The following COX17 variants were observed in gnomAD, a reference collection of about 807,000 sequenced individuals.
COX17 encodes the protein cytochrome c oxidase copper chaperone COX17.
COX17 carries 1 observed loss-of-function variant against 6.3 expected under a neutral mutation model. The observed-to-expected ratio is 0.16, with a 90% CI of 0.06 to 0.75. The LOEUF is 0.75. Among genes scored for constraint, COX17 ranks in the 30% least tolerant of loss-of-function variants. COX17 has a pLI of 0.77. For missense variants in COX17, 73 were observed against 81.2 expected (o/e 0.90, Z 0.39); for synonymous variants, 26 against 30.5 (o/e 0.85, Z 0.49).
At chr3:119,670,752 T>TG (rs2053035258) in intron 2 of COX17, among the ~76,000 whole-genome samples, 1,778 of 149,694 alleles carry the variant, frequency 0.012, 17 homozygotes, top group Middle Eastern at 0.031. Flanking sequence ...ATGATCAGTT[T>TG]TGTGTGTGTG....
chr3:119,668,080 A>G (rs186065044), downstream of COX17, among the ~76,000 whole-genome samples: 614 of 152,354 alleles, frequency 4.0e-3, 3 homozygotes, highest in African/African-American at 0.014. Context: ...CACTGATGGT[A>G]AAATACCTTA....
At chr3:119,674,099 C>T (rs544101658) in intron 2 of COX17, among the ~76,000 whole-genome samples, 7 of 149,168 alleles carry the variant, frequency 4.7e-5, no homozygotes, top group East Asian at 2.0e-4. Context: ...GCCCAGCTGC[C>T]GCCCTGTCTG....
chr3:119,668,035 CAT>C (rs1010288738), downstream of COX17, among the ~76,000 whole-genome samples: 1 of 152,040 alleles, frequency 6.6e-6, no homozygotes, highest in African/African-American at 2.4e-5. Context: ...TGAATTTATA[CAT>C]AGTCAATACA....
intron 1 of COX17, 181 bp downstream of exon 1, chr3:119,677,023 C>CGG (rs553331091): frequency 1.8e-5 from 6 of 336,614 alleles, no homozygotes; most frequent in Middle Eastern, 7.3e-4. Flanking sequence ...CGGGGCGGGG[C>CGG]GGGGGGGGGG....
chr3:119,676,710 C>T (rs1366621949), intron 1 of COX17: 1 of 625,248 alleles, frequency 1.6e-6, no homozygotes, highest in Non-Finnish European at 2.9e-6. Flanking sequence ...TTGGTCTTAA[C>T]AAATCTATCA....
chr3:119,672,876 A>G (rs1040822818), intron 2 of COX17, among the ~76,000 whole-genome samples: 12 of 152,220 alleles, frequency 7.9e-5, no homozygotes, highest in African/African-American at 2.4e-4. Flanking sequence ...AATAAAAACA[A>G]AGCCTCAGGA....
At chr3:119,669,250 T>A (rs1481083248), downstream of COX17, 4 of 141,936 alleles carry the variant, frequency 2.8e-5, no homozygotes, top group Admixed American at 7.0e-5. Context: ...TTAAGAAAGT[T>A]AAAAAAAAAA....
At chr3:119,666,115 A>G (rs1433534317), downstream of COX17, among the ~76,000 whole-genome samples, 1 of 147,336 alleles carries the variant, frequency 6.8e-6, no homozygotes, top group African/African-American at 2.5e-5. Context: ...AAACCTGCAC[A>G]TGGATCTAAG....
At chr3:119,668,849 A>G (rs746139961), downstream of COX17, among the ~76,000 whole-genome samples, 1 of 152,022 alleles carries the variant, frequency 6.6e-6, no homozygotes, top group Non-Finnish European at 1.5e-5. Context: ...TTAGCCCATC[A>G]GCAGCTACGA....
chr3:119,667,716 CACACACACACACAG>C (rs1392220531), downstream of COX17, among the ~76,000 whole-genome samples: 11 of 115,784 alleles, frequency 9.5e-5, no homozygotes, highest in Non-Finnish European at 1.6e-4. Context: ...CACACACACA[CACACACACACACAG>C]AGAGAGAGAG....
At chr3:119,667,053 C>T (rs1315919204), downstream of COX17, 1 of 152,106 alleles carries the variant, frequency 6.6e-6, no homozygotes, top group African/African-American at 2.4e-5. Flanking sequence ...ACATAGTATT[C>T]CCAAGATAGG....
chr3:119,667,688 TACACACACACACAC>T (rs58875404), downstream of COX17, among the ~76,000 whole-genome samples: 8 of 136,822 alleles, frequency 5.8e-5, no homozygotes, highest in African/African-American at 1.1e-4. Context: ...GTAAAAGGTG[TACACACACACACAC>T]ACACACACAC....
At chr3:119,676,662 GGA>G in intron 1 of COX17, 1 of 566,198 alleles carries the variant, frequency 1.8e-6, no homozygotes. Flanking sequence ...CTAAATTTTG[GGA>G]GAAAGCCTTA....
At chr3:119,673,287 C>T (rs1242220050) in intron 2 of COX17, among the ~76,000 whole-genome samples, 1 of 152,154 alleles carries the variant, frequency 6.6e-6, no homozygotes, top group African/African-American at 2.4e-5. Flanking sequence ...ATGAGCCAGG[C>T]ACTGTTATAG....
At chr3:119,664,746 G>A (rs1018726605), downstream of COX17, among the ~76,000 whole-genome samples, 2 of 152,104 alleles carry the variant, frequency 1.3e-5, no homozygotes, top group African/African-American at 2.4e-5. Context: ...GAGAAACTAT[G>A]GCCTTTGAAC....
downstream of COX17, among the ~76,000 whole-genome samples, chr3:119,667,936 T>G (rs1264895021): frequency 6.6e-6 from 1 of 152,160 alleles, no homozygotes; most frequent in Non-Finnish European, 1.5e-5. Context: ...CAGAAGGCAC[T>G]CTATATGAAG....
intron 1 of COX17, among the ~76,000 whole-genome samples, chr3:119,675,776 T>G (rs2053093091): frequency 6.6e-6 from 1 of 152,146 alleles, no homozygotes; most frequent in South Asian, 2.1e-4. Context: ...GCTTTATTTC[T>G]AAGGCCTGAA....
chr3:119,667,067 T>G (rs970587573), downstream of COX17: 1 of 152,176 alleles, frequency 6.6e-6, no homozygotes, highest in African/African-American at 2.4e-5. Context: ...AGATAGGCCT[T>G]ACTTAAGGAT....
chr3:119,669,152 C>T (rs1347969502), downstream of COX17: 2 of 151,158 alleles, frequency 1.3e-5, no homozygotes, highest in African/African-American at 4.9e-5. Flanking sequence ...TAATCTGGTC[C>T]AAAATCTAAA....
Sources: gnomAD v4.1 joint callset for allele counts (sites outside exome capture counted in the v4.1 genomes callset) on GRCh38, gnomAD v4.1.1 for gene constraint, MANE v1.5 for transcripts, NCBI Gene and HGNC (gene_info 2026-07-23, HGNC 2026-07-21) for gene names.